GABRB1: variants seen among roughly 807,000 people sequenced by gnomAD.
The protein encoded by GABRB1 is gamma-aminobutyric acid receptor subunit beta-1.
A neutral mutation model predicts 51.6 loss-of-function variants in GABRB1; 17 were observed. The ratio of observed to expected loss-of-function variants is 0.33; its 90% CI spans 0.23 to 0.49. The LOEUF is 0.49. Ranked by LOEUF, GABRB1 falls within the 20% of genes least tolerant of loss-of-function variation. GABRB1 has a pLI of 0.99. For missense variants in GABRB1, 410 were observed against 600.6 expected (o/e 0.68, Z 3.32); for synonymous variants, 247 against 218.9 (o/e 1.13, Z -1.14).
intron 3 of GABRB1, among the ~76,000 whole-genome samples, chr4:47,138,206 A>G (rs1225820987): frequency 6.6e-6 from 1 of 152,068 alleles, no homozygotes; most frequent in East Asian, 1.9e-4. Flanking sequence ...ATTTAGGCTC[A>G]TTGTAGATGT....
chr4:47,125,798 G>A lies in GABRB1; in HGVS notation c.241-35451G>A, dbSNP rs969566380. ...TCTCAATCTCCTGACCTCGTGATCC[G>A]CCCGCCTCGGCCTCCCAAAGTGCTG... On this transcript the variant is annotated intron_variant, in intron 3 of 8. Coordinates refer to ENST00000295454, the MANE Select transcript of GABRB1 (RefSeq NM_000812.4). 9.4e-5 allele frequency among the ~76,000 whole-genome samples: 14 copies of A among 148,704 alleles called. 1 individual carries two copies. In the South Asian group the frequency reaches 2.1e-3, roughly 22 times the overall value.
chr4:47,063,709 A>G (rs1726936424), intron 3 of GABRB1, among the ~76,000 whole-genome samples: 1 of 152,228 alleles, frequency 6.6e-6, no homozygotes, highest in Non-Finnish European at 1.5e-5. Flanking sequence ...CTATGCAGCC[A>G]TAAAAAGGAA....
intron 4 of GABRB1, among the ~76,000 whole-genome samples, chr4:47,231,506 A>T (rs1234591953): frequency 6.6e-6 from 1 of 152,200 alleles, no homozygotes; most frequent in Non-Finnish European, 1.5e-5. Flanking sequence ...TTGTGGCTGT[A>T]AATGTACTTA....
intron 3 of GABRB1, among the ~76,000 whole-genome samples, chr4:47,154,205 A>G (rs1446120703): frequency 6.7e-6 from 1 of 149,218 alleles, no homozygotes; most frequent in Non-Finnish European, 1.5e-5. Flanking sequence ...AGATTGGTTT[A>G]TTTATCAGGC....
chr4:47,119,031 C>G (rs1362703665), intron 3 of GABRB1, among the ~76,000 whole-genome samples: 3 of 152,120 alleles, frequency 2.0e-5, no homozygotes, highest in Admixed American at 6.6e-5. Flanking sequence ...AAAATGTACT[C>G]TACCAGATTT....
intron 3 of GABRB1, among the ~76,000 whole-genome samples, chr4:47,144,521 TAAC>T (rs1295165912): frequency 6.6e-6 from 1 of 152,016 alleles, no homozygotes; most frequent in African/African-American, 2.4e-5. Flanking sequence ...TTTGCCGTGG[TAAC>T]AACTACTACT....
intron 8 of GABRB1, among the ~76,000 whole-genome samples, chr4:47,419,896 C>T (rs1306970782): frequency 6.6e-6 from 1 of 152,156 alleles, no homozygotes; most frequent in Non-Finnish European, 1.5e-5. Context: ...ATTCTCCACT[C>T]CCCTTTACTG....
intron 4 of GABRB1, among the ~76,000 whole-genome samples, chr4:47,217,922 A>G (rs1240521568): frequency 6.6e-6 from 1 of 151,792 alleles, no homozygotes; most frequent in East Asian, 1.9e-4. Context: ...ATTGAACACT[A>G]GAACTTATTC....
chr4:47,024,617 G>C (rs1725029467), intron 1 of GABRB1, among the ~76,000 whole-genome samples: 1 of 151,660 alleles, frequency 6.6e-6, no homozygotes, highest in Admixed American at 6.6e-5. Context: ...GTGGCATTTG[G>C]TTATATGGAT....
intron 8 of GABRB1, among the ~76,000 whole-genome samples, chr4:47,408,980 G>T (rs1029815130): frequency 4.6e-5 from 7 of 152,192 alleles, no homozygotes; most frequent in African/African-American, 9.7e-5. Flanking sequence ...GGGCCCTTCA[G>T]TTGCTAAAAA....
At chr4:47,397,562 T>G (rs979577142) in intron 5 of GABRB1, among the ~76,000 whole-genome samples, 4 of 152,084 alleles carry the variant, frequency 2.6e-5, no homozygotes, top group Admixed American at 1.3e-4. Flanking sequence ...TGCTTCTTAT[T>G]TCTACTTTTT....
At position 47,270,404 on chromosome 4, in the gene GABRB1, G is replaced by A. The variant is rs971046729; in HGVS notation, c.462-49723G>A. On this transcript the variant is annotated intron_variant, in intron 4 of 8. Transcript: ENST00000295454. ...TAACCTGCAGGAGCCTTTCAGAGCT[G>A]CAAGCAATATTACTCCCAAGCACAG... Among the ~76,000 whole-genome samples the A allele has an allele frequency of 1.1e-4, 17 of 152,304 alleles. 2 individuals are homozygous for A. Among genetic ancestry groups the A allele is most frequent in the Admixed American group, 7.2e-4 (11 of 15,292 alleles).
chr4:47,170,495 T>A (rs1199354949), intron 4 of GABRB1, among the ~76,000 whole-genome samples: 1 of 152,106 alleles, frequency 6.6e-6, no homozygotes, highest in Non-Finnish European at 1.5e-5. Flanking sequence ...GCTCTCTGTA[T>A]TGATTATCCA....
At chr4:47,281,768 G>A (rs1211221944) in intron 4 of GABRB1, among the ~76,000 whole-genome samples, 1 of 152,130 alleles carries the variant, frequency 6.6e-6, no homozygotes, top group Non-Finnish European at 1.5e-5. Context: ...TCTATGTTAA[G>A]TGAAATAATC....
chr4:47,041,639 G>A (rs1440438131), intron 3 of GABRB1, among the ~76,000 whole-genome samples: 4 of 152,034 alleles, frequency 2.6e-5, no homozygotes, highest in Non-Finnish European at 5.9e-5. Context: ...CAGATTTGTC[G>A]AAAGCTCAGG....
At chr4:47,180,021 C>T (rs1415843346) in intron 4 of GABRB1, among the ~76,000 whole-genome samples, 1 of 152,016 alleles carries the variant, frequency 6.6e-6, no homozygotes, top group African/African-American at 2.4e-5. Flanking sequence ...GCCTGGGCAG[C>T]ATAGCCAAAC....
chr4:47,251,299 G>A (rs1173686468), intron 4 of GABRB1, among the ~76,000 whole-genome samples: 4 of 152,146 alleles, frequency 2.6e-5, no homozygotes, highest in East Asian at 1.9e-4. Flanking sequence ...GATGTGAACC[G>A]TCTATGGGTC....
intron 3 of GABRB1, among the ~76,000 whole-genome samples, chr4:47,096,598 G>C (rs1639314171): frequency 6.6e-6 from 1 of 152,186 alleles, no homozygotes; most frequent in Admixed American, 6.5e-5. Context: ...AGGACCTTGA[G>C]ATGGGGAGAG....
chr4:47,064,661 A>G (rs1163839516), intron 3 of GABRB1, among the ~76,000 whole-genome samples: 2 of 151,570 alleles, frequency 1.3e-5, no homozygotes, highest in African/African-American at 4.8e-5. Flanking sequence ...AAAAAAAAAA[A>G]AAGAGAAAAG....
Sources: gnomAD v4.1 joint callset for allele counts (sites outside exome capture counted in the v4.1 genomes callset) on GRCh38, gnomAD v4.1.1 for gene constraint, MANE v1.5 for transcripts, NCBI Gene and HGNC (gene_info 2026-07-23, HGNC 2026-07-21) for gene names.